Variants in DNAH5 observed in about 807,000 individuals in gnomAD.
DNAH5 encodes axonemal beta dynein heavy chain 5.
In DNAH5, 372 loss-of-function variants were observed where a neutral mutation model predicts 518.2. That is an observed-to-expected ratio of 0.72 (90% confidence interval 0.66 to 0.78). The LOEUF (loss-of-function observed/expected upper bound fraction) is 0.78, where lower values mean the gene tolerates loss of function less well. Among genes scored for constraint, DNAH5 ranks in the 30% least tolerant of loss-of-function variants. DNAH5 has a pLI of 0.00. For synonymous variants in DNAH5, 2,039 were observed against 2,025.9 expected (o/e 1.01, Z -0.17); for missense variants, 5,523 against 5,687.0 (o/e 0.97, Z 0.93).
At chr5:13,892,483 C>G (rs531342756) in intron 16 of DNAH5, among the ~76,000 whole-genome samples, 1 of 152,310 alleles carries the variant, frequency 6.6e-6, no homozygotes, top group Admixed American at 6.5e-5. Flanking sequence ...CAATTAAAAT[C>G]CAGCTGCACT....
At chr5:13,793,433 G>T in intron 49 of DNAH5, 82 bp downstream of exon 49, 2 of 1,171,854 alleles carry the variant, frequency 1.7e-6, no homozygotes, top group Admixed American at 1.7e-5. Context: ...TTTCTGTGTG[G>T]GTCTTGGGTG....
rs759495709 is a variant in DNAH5 at position 13,840,935 on chromosome 5, C to T, written c.5680G>A (p.Val1894Met). 2.0e-5 allele frequency: 32 copies of T among 1,613,982 alleles called. No homozygotes were observed. Among genetic ancestry groups the T allele is most frequent in the African/African-American group, 6.7e-5 (5 of 74,944 alleles). ...VKYETLITIH[V>M]HQRDIFDDLC... ...TCATCAAAGATATCCCTTTGGTGCA[C>T]ATGAATAGTAATCAGAGTCTCGTAT... The change falls in exon 34 of 79, where the codon GTG becomes ATG. Residue 1894 changes from valine (V) to methionine (M), a missense_variant. Coordinates refer to ENST00000265104, the MANE Select transcript of DNAH5 (RefSeq NM_001369.3).
At chr5:13,960,134 C>A (rs1019575130) in intron 1 of DNAH5, among the ~76,000 whole-genome samples, 31 of 150,850 alleles carry the variant, frequency 2.1e-4, no homozygotes, top group African/African-American at 7.1e-4. Flanking sequence ...AAATCCAAAT[C>A]TTTAGTTTTT....
At chr5:13,884,689 T>C (rs1044027593) in intron 19 of DNAH5, among the ~76,000 whole-genome samples, 1 of 152,140 alleles carries the variant, frequency 6.6e-6, no homozygotes, top group African/African-American at 2.4e-5. Context: ...TACAAAAAAT[T>C]AGCCAGGCGT....
intron 53 of DNAH5, among the ~76,000 whole-genome samples, chr5:13,778,596 AAGAGAG>A (rs199841746): frequency 1.7e-4 from 17 of 102,236 alleles, no homozygotes; most frequent in African/African-American, 6.0e-4. Context: ...GAAAGAAAGA[AAGAGAG>A]AGAGAAAGAA....
chr5:13,921,547 A>C (rs1265834597), intron 5 of DNAH5, among the ~76,000 whole-genome samples: 3 of 144,566 alleles, frequency 2.1e-5, no homozygotes, highest in African/African-American at 7.7e-5. Context: ...CTCTGCCCCA[A>C]GTAATCACAA....
intron 1 of DNAH5, among the ~76,000 whole-genome samples, chr5:13,994,781 C>T (rs914920559): frequency 1.4e-4 from 22 of 152,198 alleles, no homozygotes; most frequent in African/African-American, 5.1e-4. Context: ...CAGATTGCTG[C>T]TCACCTAATT....
At chr5:13,872,071 T>C (rs1214378267) in intron 22 of DNAH5, among the ~76,000 whole-genome samples, 1 of 152,098 alleles carries the variant, frequency 6.6e-6, no homozygotes, top group African/African-American at 2.4e-5. Flanking sequence ...GGGCCTTAGA[T>C]CAAAAACCAC....
intron 65 of DNAH5, among the ~76,000 whole-genome samples, chr5:13,744,926 A>G (rs1415047139): frequency 6.6e-6 from 1 of 152,076 alleles, no homozygotes; most frequent in Non-Finnish European, 1.5e-5. Context: ...ACTCAGAAAG[A>G]GATTTCTTTT....
rs949678610 is a variant in DNAH5, at chr5:13,919,139, T to C, written c.975+37A>G. ...TGAAAATATGCATAGAGAACTCTTA[T>C]TCCCATTTCACAAGGCAAAATGAAA... On this transcript the variant is annotated intron_variant, in intron 7 of 78. Transcript: ENST00000265104. 6 of 1,613,416 alleles carry C rather than the reference T, an allele frequency of 3.7e-6. No homozygotes were observed. In the African/African-American group the frequency reaches 6.7e-5, roughly 18 times the overall value.
intron 21 of DNAH5, among the ~76,000 whole-genome samples, chr5:13,882,403 C>T (rs1262061895): frequency 3.3e-5 from 5 of 149,686 alleles, no homozygotes; most frequent in South Asian, 2.1e-4. Context: ...GACATAAATG[C>T]AAAAATTCTC....
At chr5:13,781,569 T>C (rs1755142267) in intron 52 of DNAH5, among the ~76,000 whole-genome samples, 1 of 151,764 alleles carries the variant, frequency 6.6e-6, no homozygotes, top group South Asian at 2.1e-4. Flanking sequence ...CCCCACAGTG[T>C]TCCTGTGGTA....
chr5:13,855,659 A>G (rs1038347396), intron 30 of DNAH5, among the ~76,000 whole-genome samples: 4 of 152,180 alleles, frequency 2.6e-5, no homozygotes, highest in Non-Finnish European at 5.9e-5. Flanking sequence ...ACAGACATCT[A>G]CAGAACTCTC....
At chr5:13,962,945 A>T (rs1043789926) in intron 1 of DNAH5, among the ~76,000 whole-genome samples, 5 of 152,178 alleles carry the variant, frequency 3.3e-5, no homozygotes, top group Admixed American at 6.5e-5. Context: ...CACGTCCATG[A>T]CACCCCACAG....
chr5:13,807,024 T>A (rs1227178393), intron 47 of DNAH5, among the ~76,000 whole-genome samples: 1 of 152,188 alleles, frequency 6.6e-6, no homozygotes, highest in East Asian at 1.9e-4. Flanking sequence ...GAATTCAACT[T>A]GAACCAATCA....
Position 13,794,028 on chromosome 5 carries a change from T to C in DNAH5, c.7918A>G (p.Met2640Val). ...RTIESYVDKRMGTTYGPPAGK... is the reference protein window; with the variant it reads ...RTIESYVDKRVGTTYGPPAGK... ...GCAGGAGGGCCATATGTTGTACCCA[T>C]TCGTTTATCCACATAGCTCTCTATC... Residue 2640 changes from methionine (M) to valine (V), a missense_variant, in exon 48 of 79, where the codon ATG becomes GTG. Met to Val is a conservative substitution (Grantham distance 21). Coordinates refer to ENST00000265104, the MANE Select transcript of DNAH5 (RefSeq NM_001369.3). 6.2e-7 allele frequency: 1 copy of C among 1,614,138 alleles called. No homozygotes were observed. Among genetic ancestry groups the C allele is most frequent in the Non-Finnish European group, 8.5e-7 (1 of 1,180,016 alleles).
At chr5:13,953,629 T>G (rs865966744) in intron 1 of DNAH5, among the ~76,000 whole-genome samples, 21 of 152,378 alleles carry the variant, frequency 1.4e-4, no homozygotes, top group Middle Eastern at 3.4e-3. Context: ...GGAATTAATC[T>G]GAACAATTAC....
chr5:13,883,019 T>C lies in DNAH5; in HGVS notation c.3059A>G (p.Asn1020Ser), dbSNP rs1580731590. ...FRASVTLAIPNIVMAPALEDV... is the reference protein window; with the variant it reads ...FRASVTLAIPSIVMAPALEDV... The stretch of plus-strand genomic sequence containing the variant: ...TTCCAGGGCAGGGGCCATGACGATG[T>C]TGGGAATGGCCAGAGTGACGCTTGC... The change falls in exon 20 of 79, where the codon AAC (asparagine) becomes AGC (serine). Residue 1020 changes from asparagine to serine, a missense_variant. Physicochemically the swap from Asn to Ser is conservative, Grantham distance 46 (BLOSUM62 1). This residue lies in a region of DNAH5 where 5,121 missense variants were observed against 5,223.3 expected (regional missense o/e 0.98). Transcript: ENST00000265104. 6.2e-7 allele frequency: 1 copy of C among 1,614,098 alleles called. No homozygotes were observed. The highest frequency in any genetic ancestry group is 1.3e-5 in the African/African-American group (1 of 74,948).
chr5:13,890,333 G>A (rs936715049), intron 17 of DNAH5, among the ~76,000 whole-genome samples: 2 of 151,776 alleles, frequency 1.3e-5, no homozygotes, highest in Admixed American at 1.3e-4. Flanking sequence ...CTTCAACCGG[G>A]GAGTCAGAGG....
Sources: gnomAD v4.1 joint callset for allele counts (sites outside exome capture counted in the v4.1 genomes callset) on GRCh38, gnomAD v4.1.1 for gene constraint, gnomAD v4.1.1 regional missense constraint, MANE v1.5 for transcripts, NCBI Gene and HGNC (gene_info 2026-07-23, HGNC 2026-07-21) for gene names.